Variants in HOOK2 observed in about 807,000 individuals in gnomAD.
HOOK2 encodes the protein hook microtubule tethering protein 2.
Under a neutral mutation model 111.9 loss-of-function variants are expected in HOOK2, and 108 were observed. That is an observed-to-expected ratio of 0.96 (90% CI 0.83 to 1.13). HOOK2 has a LOEUF of 1.13. Among genes scored for constraint, HOOK2 ranks in the 50% most tolerant of loss-of-function variants. The pLI, the probability that HOOK2 is intolerant of heterozygous loss-of-function variation, is 0.00. For missense variants in HOOK2, 978 were observed against 951.3 expected (o/e 1.03, Z -0.37); for synonymous variants, 405 against 394.3 (o/e 1.03, Z -0.32).
Position 12,763,747 on chromosome 19 carries a change from G to A in HOOK2, c.1859C>T (p.Pro620Leu). The change falls in exon 21 of 23, where the codon CCA becomes CTA. Residue 620 changes from proline (P) to leucine (L), a missense_variant. By Grantham distance (98) the Pro-to-Leu change is moderately conservative. Around this residue, in one of 5 missense-constraint regions of HOOK2, gnomAD observed 277 missense variants for 265.8 expected, o/e 1.04. Transcript: ENST00000397668. ...VMQTMEPKQRPAAGAPPELHS... is the reference protein window; with the variant it reads ...VMQTMEPKQRLAAGAPPELHS... ...GAGTTCTGGAGGTGCCCCCGCAGCTGGCCGCTGCTTGGGTTCCATGGTCTG... is the reference window on the plus strand; with the variant it reads ...GAGTTCTGGAGGTGCCCCCGCAGCTAGCCGCTGCTTGGGTTCCATGGTCTG... The A allele has an allele frequency of 6.2e-7, 1 of 1,614,180 alleles. No individual in the cohort carries two copies. The highest frequency in any genetic ancestry group is 8.5e-7 in the Non-Finnish European group (1 of 1,180,022).
Position 12,766,213 on chromosome 19 carries a change from C to G in HOOK2, c.1401G>C (p.Glu467Asp), listed in dbSNP as rs1275749750. 8.8e-6 allele frequency: 14 copies of G among 1,592,802 alleles called. No homozygotes were observed. The highest frequency in any genetic ancestry group is 1.2e-5 in the Non-Finnish European group (14 of 1,176,304). ...LRETLLRLQL[E>D]NKRLCRQEAA... is the part of the protein sequence containing the mutation. ...CCTCCTGCCTGCACAGCCGCTTGTT[C>G]TCCAGCTGAAGCCGCAGGAGCGTCT... is the stretch of plus-strand genomic sequence containing the variant. The change falls in exon 15 of 23, where the codon GAG becomes GAC. Residue 467 changes from glutamate (E) to aspartate (D), a missense_variant. Physicochemically the swap from Glu to Asp is conservative, Grantham distance 45 (BLOSUM62 2). Transcript: ENST00000397668.
rs966353794 is a variant in HOOK2 at position 12,772,984 on chromosome 19, A to G, written c.255+10T>C. On this transcript the variant is annotated intron_variant, in intron 4 of 22. Transcript: ENST00000397668. ...AACTCAACCCCCTGAATCCCTTTAC[A>G]GTTACTCACATCCTGGGAGTACTCT... The G allele has an allele frequency of 1.9e-6, 3 of 1,614,150 alleles. No homozygotes were observed. The African/African-American group carries it at 4.0e-5, about 22-fold the overall frequency.
In HOOK2 at chr19:12,790,151, T is replaced by A. The variant is rs564608590; in HGVS notation, n.42-15926A>T. On this transcript the variant is annotated intron_variant and non_coding_transcript_variant, in intron 3 of 3. Coordinates refer to the HOOK2 transcript ENST00000589765. This position sits in a 1 kb window ranked among gnomAD's most constrained non-coding sequence, Gnocchi z 7.2. The stretch of plus-strand genomic sequence containing the variant: ...GGAACCATTGCTTGAGGGGAGAGGA[T>A]GGTGGCTGGAGGCTGCCGCGGCTGG... 4.6e-3 allele frequency among the ~76,000 whole-genome samples: 705 copies of A among 152,120 alleles called. 3 individuals carry two copies. Among genetic ancestry groups the A allele is most frequent in the African/African-American group, 0.016 (655 of 41,494 alleles).
At chr19:12,782,831 G>T (rs1217142710), upstream of HOOK2, among the ~76,000 whole-genome samples, 1 of 152,028 alleles carries the variant, frequency 6.6e-6, no homozygotes, top group Non-Finnish European at 1.5e-5. Flanking sequence ...CTTCCCCAGC[G>T]CCTGACGGGA....
rs368526985 is a variant in HOOK2, at chr19:12,772,925, G to A, written c.256-13C>T. 258 of 1,614,094 alleles carry A rather than the reference G, an allele frequency of 1.6e-4. No individual in the cohort carries two copies. Among genetic ancestry groups the A allele is most frequent in the Non-Finnish European group, 2.1e-4 (246 of 1,180,040 alleles). ...GATGCGCCAGGACCTGGGGAGAAGG[G>A]GGTGTCAGGGGCTCATGGGCCCACC... is the stretch of plus-strand genomic sequence containing the variant. On this transcript the variant is annotated splice_polypyrimidine_tract_variant and intron_variant, in intron 4 of 22. Coordinates refer to ENST00000397668, the MANE Select transcript of HOOK2 (RefSeq NM_013312.3).
intron 1 of HOOK2, 170 bp downstream of exon 1, chr19:12,775,235 G>C: frequency 1.0e-6 from 1 of 985,374 alleles, no homozygotes. Context: ...TTTCCACGCA[G>C]ACTTGCCACG....
upstream of HOOK2, among the ~76,000 whole-genome samples, chr19:12,777,302 C>T (rs568335822): frequency 5.3e-5 from 8 of 151,878 alleles, no homozygotes; most frequent in South Asian, 1.2e-3. Flanking sequence ...AGCGAGACTC[C>T]GTCTCTACAA....
intron 20 of HOOK2, 144 bp from the exon 21 acceptor site, chr19:12,763,922 C>A: frequency 1.6e-6 from 1 of 628,240 alleles, no homozygotes; most frequent in Non-Finnish European, 2.8e-6. Flanking sequence ...GAACTCCTGG[C>A]ATCAAGCAAT....
intron 3 of HOOK2, among the ~76,000 whole-genome samples, chr19:12,788,674 A>T (rs2145801402): frequency 6.6e-6 from 1 of 151,852 alleles, no homozygotes; most frequent in Admixed American, 6.5e-5. Flanking sequence ...TGGGACCTGC[A>T]AGTTAGCTTC....
chr19:12,770,162 C>CAGGGTGTTGTTCAGCCTG, intron 10 of HOOK2, 80 bp from the exon 11 acceptor site: 1 of 1,266,912 alleles, frequency 7.9e-7, no homozygotes, highest in Non-Finnish European at 1.0e-6. Context: ...CCTTGGAGCA[C>CAGGGTGTTGTTCAGCCTG]AGGGTGTTGT....
intron 7 of HOOK2, 48 bp from the exon 8 acceptor site, chr19:12,771,525 G>T (rs374811664): frequency 6.6e-7 from 1 of 1,512,322 alleles, no homozygotes; most frequent in Non-Finnish European, 9.1e-7. Flanking sequence ...GGAGAAGGAC[G>T]GGGGGAGGGA....
chr19:12,771,345 T>C (rs746058592), intron 8 of HOOK2, 26 bp from the exon 9 acceptor site: 13 of 1,607,000 alleles, frequency 8.1e-6, no homozygotes, highest in South Asian at 4.5e-5. Flanking sequence ...AAAGATGAGC[T>C]TGGGCTTGGA....
rs762159656 is a variant in HOOK2, at chr19:12,770,990, C to A, written c.844G>T (p.Ala282Ser). The stretch of plus-strand genomic sequence containing the variant: ...GCCTCCTGGGCCAGGCTAGTCAGCG[C>A]CTGGTTCCGGTGCTGCAGCTCCGCA... Reference protein sequence around the residue: ...EVAELQHRNQALTSLAQEAQA... With the variant: ...EVAELQHRNQSLTSLAQEAQA... Residue 282 changes from alanine to serine, a missense_variant, in exon 10 of 23, where the codon GCG becomes TCG. By Grantham distance (99) the Ala-to-Ser change is moderately conservative. Around this residue, in one of 5 missense-constraint regions of HOOK2, gnomAD observed 388 missense variants for 358.3 expected, o/e 1.08. Transcript: ENST00000397668. 1.2e-6 allele frequency: 2 copies of A among 1,612,152 alleles called. No individual in the cohort carries two copies. Among genetic ancestry groups the A allele is most frequent in the Non-Finnish European group, 1.7e-6 (2 of 1,179,478 alleles).
At chr19:12,783,806 G>C in intron 3 of HOOK2, among the ~76,000 whole-genome samples, 1 of 152,172 alleles carries the variant, frequency 6.6e-6, no homozygotes, top group African/African-American at 2.4e-5. Context: ...CTCAGGCCTG[G>C]GTGTCAGGGT....
At chr19:12,789,534 G>T (rs556663073) in intron 3 of HOOK2, among the ~76,000 whole-genome samples, 1 of 152,128 alleles carries the variant, frequency 6.6e-6, no homozygotes, top group Non-Finnish European at 1.5e-5. Flanking sequence ...ATGAGTGAGT[G>T]GGGGGTGTTG....
upstream of HOOK2, among the ~76,000 whole-genome samples, chr19:12,783,308 C>G (rs1473652213): frequency 2.8e-4 from 42 of 150,740 alleles, 1 homozygote; most frequent in East Asian, 8.2e-3. Flanking sequence ...CCAGAGGCGC[C>G]CCCCCCAACT....
rs868744992 is a variant in HOOK2, at chr19:12,764,861, G to A, written c.1780C>T (p.Arg594Trp). The change falls in exon 20 of 23, where the codon CGG becomes TGG. Residue 594 changes from arginine (R) to tryptophan (W), a missense_variant. Arg to Trp is a moderately radical substitution (Grantham distance 101, BLOSUM62 -3). This residue lies in a region of HOOK2 where 277 missense variants were observed against 265.8 expected (regional missense o/e 1.04). Coordinates refer to ENST00000397668, the MANE Select transcript of HOOK2 (RefSeq NM_013312.3). ...HNLQKKDADLRAMEERYRRYV... is the reference protein window; with the variant it reads ...HNLQKKDADLWAMEERYRRYV... ...CGGCGGTATCGCTCCTCCATGGCCC[G>A]CAAGTCCGCGTCCTTCTTCTGCAAG... The A allele has an allele frequency of 8.7e-6, 14 of 1,613,850 alleles. No individual in the cohort carries two copies. Among genetic ancestry groups the A allele is most frequent in the African/African-American group, 2.7e-5 (2 of 74,926 alleles).
At chr19:12,768,185 ACAAATGGTCC>A (rs1168957036) in intron 11 of HOOK2, 62 bp from the exon 12 acceptor site, 2 of 1,328,162 alleles carry the variant, frequency 1.5e-6, no homozygotes, top group African/African-American at 1.5e-5. Flanking sequence ...GGGGCTGAGT[ACAAATGGTCC>A]CCGATCCAGG....
chr19:12,776,817 C>T (rs890757770), upstream of HOOK2, among the ~76,000 whole-genome samples: 5 of 151,682 alleles, frequency 3.3e-5, no homozygotes, highest in Non-Finnish European at 7.4e-5. Flanking sequence ...CACTACACTC[C>T]AGTCTGGGTG....
Sources: allele counts gnomAD v4.1 joint callset (sites outside exome capture counted in the v4.1 genomes callset), GRCh38; gene constraint gnomAD v4.1.1; regional missense constraint gnomAD v4.1.1; non-coding constraint Gnocchi (gnomAD v3.1); transcripts MANE v1.5; gene names NCBI Gene and HGNC (gene_info 2026-07-23, HGNC 2026-07-21).